Variants in FAM78B observed in about 807,000 individuals in gnomAD.
FAM78B encodes family with sequence similarity 78 member B.
In FAM78B, 10 loss-of-function variants were observed where a neutral mutation model predicts 20.0. That is an observed-to-expected ratio of 0.50 (90% CI 0.31 to 0.85). FAM78B has a LOEUF of 0.85. Ranked by LOEUF, FAM78B falls within the 40% of genes least tolerant of loss-of-function variation. The pLI is 0.05. For synonymous variants in FAM78B, 135 were observed against 132.8 expected (o/e 1.02, Z -0.12); for missense variants, 283 against 345.0 (o/e 0.82, Z 1.42).
chr1:166,139,190 C>T (rs1460037987), intron 1 of FAM78B, among the ~76,000 whole-genome samples: 5 of 152,176 alleles, frequency 3.3e-5, no homozygotes, highest in Admixed American at 2.6e-4. Context: ...GAAGCCTAGA[C>T]TCAGGGTTTT....
intron 1 of FAM78B, among the ~76,000 whole-genome samples, chr1:166,112,863 GC>G (rs1178484333): frequency 6.6e-6 from 1 of 152,194 alleles, no homozygotes; most frequent in Non-Finnish European, 1.5e-5. Context: ...AAACCCAGGT[GC>G]AGAGAGGTTA....
intron 1 of FAM78B, among the ~76,000 whole-genome samples, chr1:166,140,088 C>G (rs542024791): frequency 5.3e-5 from 8 of 152,216 alleles, no homozygotes; most frequent in Non-Finnish European, 1.2e-4. Context: ...GTTTCTGAAG[C>G]CTGCAGCAGG....
At chr1:166,079,579 T>C (rs149531162) in intron 1 of FAM78B, among the ~76,000 whole-genome samples, 10 of 152,066 alleles carry the variant, frequency 6.6e-5, no homozygotes, top group Non-Finnish European at 1.5e-4. Flanking sequence ...TTCAATGTGG[T>C]ACAGAGCCAG....
chr1:166,154,291 T>C (rs1655809092), intron 1 of FAM78B, among the ~76,000 whole-genome samples: 1 of 152,180 alleles, frequency 6.6e-6, no homozygotes, highest in South Asian at 2.1e-4. Flanking sequence ...AGGGGGGTAT[T>C]GAGGGGTGGA....
intron 1 of FAM78B, among the ~76,000 whole-genome samples, chr1:166,161,572 C>G (rs1488019500): frequency 6.6e-6 from 1 of 152,144 alleles, no homozygotes; most frequent in Non-Finnish European, 1.5e-5. Flanking sequence ...GTTAGAAAGT[C>G]TCTACAAGAA....
chr1:166,154,109 C>A (rs1655799405), intron 1 of FAM78B, among the ~76,000 whole-genome samples: 1 of 152,230 alleles, frequency 6.6e-6, no homozygotes, highest in Non-Finnish European at 1.5e-5. Context: ...AGAGGCCTCC[C>A]AGCTGAGCCC....
At chr1:166,066,996 C>T (rs1335068033), downstream of FAM78B, among the ~76,000 whole-genome samples, 5 of 152,126 alleles carry the variant, frequency 3.3e-5, no homozygotes, top group African/African-American at 9.7e-5. Context: ...ACAGCTGTCA[C>T]AGATAAAGGG....
At chr1:166,071,798 G>C (rs1169448176) in intron 1 of FAM78B, among the ~76,000 whole-genome samples, 3 of 152,156 alleles carry the variant, frequency 2.0e-5, no homozygotes, top group Admixed American at 1.3e-4. Context: ...CCCTGGTTTT[G>C]GCCACTGTAT....
At chr1:166,057,453 G>T (rs1651393962) in exon 3 of FAM78B, 2 of 143,350 alleles carry the variant, frequency 1.4e-5, no homozygotes, top group South Asian at 4.6e-4. Context: ...AATACACACT[G>T]TATTTAACTT....
chr1:166,140,661 G>C (rs1422297153), intron 1 of FAM78B, among the ~76,000 whole-genome samples: 1 of 152,158 alleles, frequency 6.6e-6, no homozygotes, highest in Non-Finnish European at 1.5e-5. Flanking sequence ...GCAAATGGTG[G>C]GATAAGTGGC....
At chr1:166,152,326 C>T (rs1267836753) in intron 1 of FAM78B, among the ~76,000 whole-genome samples, 1 of 152,206 alleles carries the variant, frequency 6.6e-6, no homozygotes, top group Non-Finnish European at 1.5e-5. Flanking sequence ...TTCAGTTCCA[C>T]GCTGGCGGGA....
intron 1 of FAM78B, among the ~76,000 whole-genome samples, chr1:166,156,167 C>T (rs1003633258): frequency 2.6e-5 from 4 of 152,342 alleles, no homozygotes; most frequent in East Asian, 1.9e-4. Context: ...AGGCAGGCCT[C>T]GCACAGTGAC....
chr1:166,149,845 G>T (rs754868415), intron 1 of FAM78B, among the ~76,000 whole-genome samples: 13 of 152,124 alleles, frequency 8.5e-5, no homozygotes, highest in Non-Finnish European at 1.8e-4. Flanking sequence ...AGGCATGTGT[G>T]CCTTCTTGGG....
At chr1:166,089,147 C>A (rs1439295421) in intron 1 of FAM78B, among the ~76,000 whole-genome samples, 2 of 152,218 alleles carry the variant, frequency 1.3e-5, no homozygotes, top group African/African-American at 4.8e-5. Context: ...CTCTGGGATA[C>A]CTCCCCTGAT....
intron 1 of FAM78B, among the ~76,000 whole-genome samples, chr1:166,121,320 C>T (rs1654458294): frequency 6.6e-6 from 1 of 152,134 alleles, no homozygotes; most frequent in African/African-American, 2.4e-5. Flanking sequence ...GCTCTGTCTA[C>T]ACCCTCACCT....
intron 1 of FAM78B, among the ~76,000 whole-genome samples, chr1:166,132,438 G>A (rs1654910133): frequency 6.6e-6 from 1 of 152,118 alleles, no homozygotes; most frequent in Admixed American, 6.5e-5. Context: ...TAATATTACT[G>A]CTTACCTTTA....
At chr1:166,163,301 T>C (rs145573438) in intron 1 of FAM78B, among the ~76,000 whole-genome samples, 1 of 152,342 alleles carries the variant, frequency 6.6e-6, no homozygotes, top group African/African-American at 2.4e-5. Flanking sequence ...GGAAGTGCCA[T>C]GGAAATGAGT....
intron 1 of FAM78B, among the ~76,000 whole-genome samples, chr1:166,074,614 C>T (rs769777598): frequency 9.9e-5 from 15 of 152,118 alleles, no homozygotes; most frequent in African/African-American, 2.4e-4. Context: ...AACTTGCATA[C>T]GACAAAGTGT....
chr1:166,101,128 G>C (rs1033548412), intron 1 of FAM78B, among the ~76,000 whole-genome samples: 1 of 152,156 alleles, frequency 6.6e-6, no homozygotes, highest in Non-Finnish European at 1.5e-5. Flanking sequence ...TGCAACTGAG[G>C]GTCCCGACTG....
Sources: allele counts gnomAD v4.1 joint callset (sites outside exome capture counted in the v4.1 genomes callset), GRCh38; gene constraint gnomAD v4.1.1; transcripts MANE v1.5; gene names NCBI Gene and HGNC (gene_info 2026-07-23, HGNC 2026-07-21).